The following LRP1B variants were observed in gnomAD, a reference collection of about 807,000 sequenced individuals.
LRP1B encodes low-density lipoprotein receptor-related protein 1B.
In LRP1B, 217 loss-of-function variants were observed where a neutral mutation model predicts 556.6. The ratio of observed to expected loss-of-function variants is 0.39; its 90% CI spans 0.35 to 0.44. The LOEUF (loss-of-function observed/expected upper bound fraction) is 0.44, where lower values mean the gene tolerates loss of function less well. Among genes scored for constraint, LRP1B ranks in the 20% least tolerant of loss-of-function variants. LRP1B has a pLI of 1.00. For synonymous variants in LRP1B, 2,047 were observed against 1,865.8 expected (o/e 1.10, Z -2.50); for missense variants, 5,053 against 5,620.8 (o/e 0.90, Z 3.23).
At chr2:141,958,022 T>C (rs1038775443) in intron 1 of LRP1B, among the ~76,000 whole-genome samples, 3 of 152,096 alleles carry the variant, frequency 2.0e-5, no homozygotes, top group African/African-American at 7.2e-5. Flanking sequence ...ATCTCAATCC[T>C]GACTCACTGA....
chr2:140,745,425 GC>G (rs1307427736), intron 35 of LRP1B, among the ~76,000 whole-genome samples: 2 of 151,742 alleles, frequency 1.3e-5, no homozygotes, highest in Admixed American at 6.6e-5. Flanking sequence ...ATTTGATTAG[GC>G]AACATTTTAA....
intron 2 of LRP1B, among the ~76,000 whole-genome samples, chr2:141,524,865 T>C (rs1411594199): frequency 6.6e-6 from 1 of 151,844 alleles, no homozygotes; most frequent in Non-Finnish European, 1.5e-5. Context: ...TTTGAAAGAA[T>C]TTTTAAAAGA....
chr2:140,624,938 T>G (rs1428315217), intron 41 of LRP1B, among the ~76,000 whole-genome samples: 1 of 152,136 alleles, frequency 6.6e-6, no homozygotes, highest in East Asian at 1.9e-4. Context: ...AAACAGCGTA[T>G]GTCAAAGCTC....
chr2:140,364,510 A>C, intron 72 of LRP1B, 151 bp downstream of exon 72: 1 of 868,564 alleles, frequency 1.2e-6, no homozygotes. Flanking sequence ...TCCCTTTATT[A>C]CCTGAACAAA....
chr2:141,815,621 C>T lies in LRP1B; in HGVS notation c.83-5220G>A, dbSNP rs147909783. The stretch of plus-strand genomic sequence containing the variant: ...CCAATCAGCAGGATCCTAAAAGTAG[C>T]CACTTGGAGGGAGGATTAAAAAAAG... On this transcript the variant is annotated intron_variant, in intron 1 of 90. Transcript: ENST00000389484. Among the ~76,000 whole-genome samples, 344 of 152,186 alleles carry T rather than the reference C, an allele frequency of 2.3e-3. 2 individuals are homozygous for T. Among genetic ancestry groups the T allele is most frequent in the African/African-American group, 7.9e-3 (329 of 41,520 alleles).
In LRP1B at chr2:140,965,804, G is replaced by GTTTTTTTTTTTTTTTTT. The variant is rs56096461; in HGVS notation, c.2888-13865_2888-13864insAAAAAAAAAAAAAAAAA. 1.4e-5 allele frequency among the ~76,000 whole-genome samples: 2 copies of GTTTTTTTTTTTTTTTTT among 144,982 alleles called. 1 individual carries two copies. On this transcript the variant is annotated intron_variant, in intron 18 of 90. Transcript: ENST00000389484. ...TCCCACCTGAGTGAGAACATGCAGT[G>GTTTTTTTTTTTTTTTTT]TTTTTTTTTTTTTCCCTGCAATAGT...
At chr2:140,983,282 G>T (rs1696826339) in intron 17 of LRP1B, among the ~76,000 whole-genome samples, 1 of 151,966 alleles carries the variant, frequency 6.6e-6, no homozygotes, top group African/African-American at 2.4e-5. Flanking sequence ...AGATATATTG[G>T]GAAAGGGATA....
At chr2:140,446,722 A>G (rs2105308127) in intron 63 of LRP1B, among the ~76,000 whole-genome samples, 1 of 152,284 alleles carries the variant, frequency 6.6e-6, no homozygotes, top group South Asian at 2.1e-4. Context: ...ATTTAAGACT[A>G]CTAGAATAAA....
chr2:140,563,935 G>T (rs909488348), intron 43 of LRP1B, among the ~76,000 whole-genome samples: 9 of 152,138 alleles, frequency 5.9e-5, no homozygotes, highest in Non-Finnish European at 1.2e-4. Context: ...TCATAATTCT[G>T]ATGCTTCTTC....
intron 2 of LRP1B, among the ~76,000 whole-genome samples, chr2:141,735,281 A>C (rs1305602514): frequency 1.3e-5 from 2 of 151,762 alleles, no homozygotes; most frequent in African/African-American, 4.8e-5. Flanking sequence ...TATAGATGGC[A>C]TGGCATAAGA....
chr2:140,576,798 T>C (rs995389080), intron 43 of LRP1B, among the ~76,000 whole-genome samples: 8 of 152,214 alleles, frequency 5.3e-5, no homozygotes, highest in Admixed American at 1.3e-4. Flanking sequence ...AGCTTCATTC[T>C]GATGGTTGCT....
chr2:140,686,951 C>T (rs1471403836), intron 41 of LRP1B, among the ~76,000 whole-genome samples: 2 of 151,778 alleles, frequency 1.3e-5, no homozygotes, highest in African/African-American at 4.8e-5. Context: ...GTGGTCATCA[C>T]AGAATTAAAT....
chr2:141,480,182 T>C lies in LRP1B; in HGVS notation c.343+214A>G, dbSNP rs1320384097. ...ATTTGTGTGTGTGTGTGTGTGTGTG[T>C]GTGTGTGTGTGTTGTCTAATGGTGT... is the stretch of plus-strand genomic sequence containing the variant. On this transcript the variant is annotated intron_variant, in intron 3 of 90. Coordinates refer to ENST00000389484, the MANE Select transcript of LRP1B (RefSeq NM_018557.3). Among the ~76,000 whole-genome samples the C allele has an allele frequency of 6.8e-5, 7 of 103,542 alleles. No individual in the cohort carries two copies. The South Asian group carries it at 2.2e-3, about 32-fold the overall frequency. 67.9% of individuals were successfully genotyped at this position (103,542 alleles called of 152,430 possible).
intron 41 of LRP1B, among the ~76,000 whole-genome samples, chr2:140,643,635 T>G (rs1684379658): frequency 6.6e-6 from 1 of 152,172 alleles, no homozygotes; most frequent in African/African-American, 2.4e-5. Context: ...TTGTTTAAAA[T>G]GGAAAACAAA....
chr2:140,419,458 T>C (rs192777171), intron 66 of LRP1B, among the ~76,000 whole-genome samples: 2 of 152,302 alleles, frequency 1.3e-5, no homozygotes, highest in African/African-American at 4.8e-5. Flanking sequence ...TAATTTGTTA[T>C]CATTGAAATG....
rs141874251 is a variant in LRP1B at position 140,906,279 on chromosome 2, A to G, written c.3520+1598T>C. ...CTCTTTAAGTAATGACCATATGGCT[A>G]GATAAGAAGTGCTTTTCAATTCTGA... is the stretch of plus-strand genomic sequence containing the variant. On this transcript the variant is annotated intron_variant, in intron 22 of 90. Coordinates refer to ENST00000389484, the MANE Select transcript of LRP1B (RefSeq NM_018557.3). Among the ~76,000 whole-genome samples, 233 of 152,270 alleles carry G rather than the reference A, an allele frequency of 1.5e-3. 1 individual carries two copies. Among genetic ancestry groups the G allele is most frequent in the African/African-American group, 5.2e-3 (217 of 41,578 alleles).
At chr2:140,467,225 A>C (rs1573971287) in intron 60 of LRP1B, among the ~76,000 whole-genome samples, 2 of 152,148 alleles carry the variant, frequency 1.3e-5, no homozygotes, top group Admixed American at 1.3e-4. Flanking sequence ...AAACTCTAAT[A>C]TGCAACTATC....
chr2:141,451,830 CATAA>C (rs1681433700), intron 3 of LRP1B, among the ~76,000 whole-genome samples: 1 of 152,150 alleles, frequency 6.6e-6, no homozygotes, highest in Non-Finnish European at 1.5e-5. Flanking sequence ...TGAAACTACA[CATAA>C]ATAAGTTCCC....
At chr2:140,288,746 C>T (rs148669773) in intron 84 of LRP1B, among the ~76,000 whole-genome samples, 129 of 151,556 alleles carry the variant, frequency 8.5e-4, no homozygotes, top group African/African-American at 3.0e-3. Context: ...TTTTCAGGGA[C>T]AGATTTCCCA....
Sources: allele counts gnomAD v4.1 joint callset (sites outside exome capture counted in the v4.1 genomes callset), GRCh38; gene constraint gnomAD v4.1.1; transcripts MANE v1.5; gene names NCBI Gene and HGNC (gene_info 2026-07-23, HGNC 2026-07-21).